RBM47: variants seen among roughly 807,000 people sequenced by gnomAD.
RBM47 encodes the protein RNA-binding protein 47.
In RBM47, 21 loss-of-function variants were observed where a neutral mutation model predicts 47.1. The observed-to-expected ratio is 0.45, with a 90% CI of 0.32 to 0.64. RBM47 has a LOEUF of 0.64. Among genes scored for constraint, RBM47 ranks in the 30% least tolerant of loss-of-function variants. RBM47 has a pLI of 0.05. For synonymous variants in RBM47, 375 were observed against 361.7 expected (o/e 1.04, Z -0.42); for missense variants, 708 against 870.9 (o/e 0.81, Z 2.35).
At chr4:40,624,336 T>G (rs1427459552) in intron 1 of RBM47, among the ~76,000 whole-genome samples, 1 of 152,196 alleles carries the variant, frequency 6.6e-6, no homozygotes, top group African/African-American at 2.4e-5. Flanking sequence ...GAATTTAGTA[T>G]GAATAGCCAT....
intron 1 of RBM47, among the ~76,000 whole-genome samples, chr4:40,555,296 T>G (rs1018907599): frequency 3.3e-5 from 5 of 152,300 alleles, no homozygotes; most frequent in African/African-American, 1.2e-4. Flanking sequence ...CAAACTCCTG[T>G]CCTCAAGTAA....
At chr4:40,470,835 C>G (rs538841749) in intron 2 of RBM47, among the ~76,000 whole-genome samples, 4 of 152,102 alleles carry the variant, frequency 2.6e-5, no homozygotes, top group South Asian at 4.1e-4. Context: ...CTCTGCTTCC[C>G]GGGTTCAAGT....
chr4:40,616,354 AAAAAAAAAAAAAAG>A (rs1736724495), intron 1 of RBM47, among the ~76,000 whole-genome samples: 1 of 120,884 alleles, frequency 8.3e-6, no homozygotes, highest in Non-Finnish European at 1.8e-5. Flanking sequence ...ACTCTGTCTC[AAAAAAAAAAAAAAG>A]AAAAAAAAAA....
intron 1 of RBM47, among the ~76,000 whole-genome samples, chr4:40,573,513 C>A (rs547288218): frequency 2.0e-5 from 3 of 151,356 alleles, no homozygotes; most frequent in African/African-American, 2.4e-5. Flanking sequence ...GAGGCTGAGG[C>A]TGGTGGATCA....
chr4:40,616,531 C>T (rs928320614), intron 1 of RBM47, among the ~76,000 whole-genome samples: 23 of 152,038 alleles, frequency 1.5e-4, no homozygotes, highest in African/African-American at 5.6e-4. Context: ...CCGCTATAAG[C>T]TCCAAAAGCC....
At chr4:40,580,130 T>TA (rs779685899) in intron 1 of RBM47, among the ~76,000 whole-genome samples, 3 of 152,060 alleles carry the variant, frequency 2.0e-5, no homozygotes, top group Non-Finnish European at 4.4e-5. Flanking sequence ...CTCTCACCAG[T>TA]AAAAAATTTT....
Position 40,576,258 on chromosome 4 carries a change from G to GGT in RBM47, c.-239-31753_-239-31752insAC, listed in dbSNP as rs1316467970. Among the ~76,000 whole-genome samples, 11 of 71,000 alleles carry GGT rather than the reference G, an allele frequency of 1.5e-4. 1 individual carries two copies. The highest frequency in any genetic ancestry group is 5.3e-4 in the African/African-American group (11 of 20,934). 46.6% of individuals were successfully genotyped at this position (71,000 alleles called of 152,430 possible). A position where few individuals can be genotyped will look rare whatever the true frequency, so the allele number is the denominator to read the frequency against. On this transcript the variant is annotated intron_variant, in intron 1 of 6. Coordinates refer to ENST00000295971, the MANE Select transcript of RBM47 (RefSeq NM_001098634.2). ...CTTTTCTGTTTTTTTTTTTTTTTTG[G>GGT]GGGGGGGCGGAGACAGGGTCTCCCC...
intron 1 of RBM47, among the ~76,000 whole-genome samples, chr4:40,581,980 G>A (rs1041156097): frequency 1.3e-5 from 2 of 151,962 alleles, no homozygotes; most frequent in East Asian, 3.9e-4. Flanking sequence ...TTAGCAAGTG[G>A]ATCGCCATCC....
intron 2 of RBM47, among the ~76,000 whole-genome samples, chr4:40,481,578 G>T (rs1241384828): frequency 6.8e-6 from 1 of 147,946 alleles, no homozygotes; most frequent in African/African-American, 2.5e-5. Context: ...TTTTGACGGA[G>T]TCTCGCTCTG....
chr4:40,510,994 G>A (rs2154253364), intron 2 of RBM47, among the ~76,000 whole-genome samples: 2 of 152,282 alleles, frequency 1.3e-5, no homozygotes, highest in East Asian at 3.9e-4. Flanking sequence ...CTGTTTTATT[G>A]CCTTACTTAA....
At chr4:40,615,837 G>C (rs1157831379) in intron 1 of RBM47, among the ~76,000 whole-genome samples, 2 of 152,004 alleles carry the variant, frequency 1.3e-5, no homozygotes, top group Admixed American at 1.3e-4. Context: ...ATATCCTTTT[G>C]GAAACTGAAC....
chr4:40,619,655 C>A (rs1272238445), intron 1 of RBM47, among the ~76,000 whole-genome samples: 1 of 152,114 alleles, frequency 6.6e-6, no homozygotes, highest in African/African-American at 2.4e-5. Context: ...CTCCATCTAG[C>A]GAAGATGGAC....
intron 2 of RBM47, among the ~76,000 whole-genome samples, chr4:40,511,485 A>C (rs1192305311): frequency 6.6e-6 from 1 of 152,226 alleles, no homozygotes; most frequent in Admixed American, 6.5e-5. Flanking sequence ...CATTATTATC[A>C]TATCACGTTT....
At chr4:40,538,807 T>G (rs112031818) in intron 2 of RBM47, among the ~76,000 whole-genome samples, 23,865 of 151,930 alleles carry the variant, frequency 0.16, 1,998 homozygotes, top group East Asian at 0.23. Context: ...CTAATTTTTT[T>G]GTATTTTTAA....
chr4:40,532,888 T>A (rs940868860), intron 2 of RBM47, among the ~76,000 whole-genome samples: 2 of 152,156 alleles, frequency 1.3e-5, no homozygotes, highest in Non-Finnish European at 2.9e-5. Context: ...TATAGCCTCT[T>A]GCAATCTGCA....
chr4:40,479,586 C>T (rs1488185206), intron 2 of RBM47, among the ~76,000 whole-genome samples: 2 of 149,848 alleles, frequency 1.3e-5, no homozygotes, highest in African/African-American at 2.4e-5. Context: ...AGAGTGAGAT[C>T]CTGTCTCAAA....
chr4:40,609,377 A>G (rs1736050377), intron 1 of RBM47, among the ~76,000 whole-genome samples: 1 of 150,496 alleles, frequency 6.6e-6, no homozygotes. Flanking sequence ...CAGTGCCACA[A>G]TCTTGGCTCA....
intron 6 of RBM47, chr4:40,427,202 C>T (rs1715185506): frequency 6.6e-6 from 1 of 152,122 alleles, no homozygotes; most frequent in Non-Finnish European, 1.5e-5. Context: ...AGAGATGACA[C>T]CATTAATGTA....
intron 5 of RBM47, 36 bp downstream of exon 5, chr4:40,436,405 C>G (rs777982602): frequency 6.3e-7 from 1 of 1,588,016 alleles, no homozygotes; most frequent in Admixed American, 1.7e-5. Flanking sequence ...GGGGTTTATG[C>G]TGAATGGGAG....
Sources: allele counts gnomAD v4.1 joint callset (sites outside exome capture counted in the v4.1 genomes callset), GRCh38; gene constraint gnomAD v4.1.1; transcripts MANE v1.5; gene names NCBI Gene and HGNC (gene_info 2026-07-23, HGNC 2026-07-21).